The following KREMEN1 variants were observed in gnomAD, a reference collection of about 807,000 sequenced individuals.
The protein encoded by KREMEN1 is kremen protein 1.
In KREMEN1, 30 loss-of-function variants were observed where a neutral mutation model predicts 46.5. The observed-to-expected ratio is 0.65, with a 90% CI of 0.48 to 0.88. The LOEUF is 0.88. Among genes scored for constraint, KREMEN1 ranks in the 40% least tolerant of loss-of-function variants. The probability of loss-of-function intolerance (pLI) is 0.00; values close to 1 mark genes in which losing one functional copy is unlikely to be tolerated. For missense variants in KREMEN1, 533 were observed against 596.9 expected (o/e 0.89, Z 1.11); for synonymous variants, 214 against 230.6 (o/e 0.93, Z 0.65).
intron 3 of KREMEN1, among the ~76,000 whole-genome samples, chr22:29,106,366 G>C (rs1268375213): frequency 6.6e-6 from 1 of 151,176 alleles, no homozygotes; most frequent in African/African-American, 2.4e-5. Context: ...GACTCCAGGC[G>C]CCCGCCATCA....
intron 1 of KREMEN1, among the ~76,000 whole-genome samples, chr22:29,092,494 G>A (rs1386718860): frequency 6.6e-6 from 1 of 152,218 alleles, no homozygotes; most frequent in East Asian, 1.9e-4. Context: ...GTCAGCAGCA[G>A]GTCCAGGACA....
intron 3 of KREMEN1, among the ~76,000 whole-genome samples, chr22:29,101,225 C>A (rs2037970181): frequency 8.3e-6 from 1 of 120,122 alleles, no homozygotes; most frequent in African/African-American, 3.4e-5. Flanking sequence ...GCACTCCAAT[C>A]TGGGAAACAC....
chr22:29,096,687 A>G (rs2037887894), intron 2 of KREMEN1, among the ~76,000 whole-genome samples: 1 of 152,240 alleles, frequency 6.6e-6, no homozygotes, highest in African/African-American at 2.4e-5. Context: ...AGCAAAGTCA[A>G]GGATGAATTT....
Position 29,166,094 on chromosome 22 carries a change from T to C in KREMEN1, c.1417-950T>C, listed in dbSNP as rs1046403237. Among the ~76,000 whole-genome samples, 5 of 152,122 alleles carry C rather than the reference T, an allele frequency of 3.3e-5. 1 individual carries two copies. The highest frequency in any genetic ancestry group is 1.9e-4 in the East Asian group (1 of 5,168). On this transcript the variant is annotated intron_variant, in intron 9 of 9. Coordinates refer to the KREMEN1 transcript ENST00000327813. ...ATGTGTGCACACATGCACACACAGG[T>C]ACAAGCACACAAGTACCCATGCACA...
At position 29,137,317 on chromosome 22, in the gene KREMEN1, C is replaced by T. The variant is rs368943351; in HGVS notation, c.632-25C>T. The T allele has an allele frequency of 3.9e-4, 553 of 1,435,440 alleles. 2 individuals are homozygous for T. The Middle Eastern group carries it at 4.5e-3, about 12-fold the overall frequency. The allele number at this position is 1,435,440 out of a possible 1,614,324, so 88.9% of individuals were successfully genotyped here. A position where few individuals can be genotyped will look rare whatever the true frequency, so the allele number is the denominator to read the frequency against. On this transcript the variant is annotated intron_variant, in intron 5 of 8. Coordinates refer to ENST00000400335, the MANE Select transcript of KREMEN1 (RefSeq NM_001039570.3). The stretch of plus-strand genomic sequence containing the variant: ...CTGTGGCAAAGGCCCAGACTGAGGG[C>T]GTGGTGTCTTTTTCTCTCCTACAGC...
intron 4 of KREMEN1, 35 bp downstream of exon 4, chr22:29,121,516 T>C (rs2038356881): frequency 6.2e-7 from 1 of 1,605,070 alleles, no homozygotes; most frequent in African/African-American, 1.3e-5. Context: ...TATAGAAAAA[T>C]ATAAAGATGT....
At position 29,145,115 on chromosome 22, in the gene KREMEN1, A is replaced by G; in HGVS notation, c.*3003A>G. 1.0e-6 allele frequency: 1 copy of G among 986,018 alleles called. No homozygotes were observed. The highest frequency in any genetic ancestry group is 1.2e-6 in the Non-Finnish European group (1 of 830,146). The allele number at this position is 986,018 out of a possible 1,614,324, so 61.1% of individuals were successfully genotyped here. ...CTCAGTTAGAACCAGGTAGAAAGTC[A>G]GCGACACCCCACAGAAGGCCACTGC... On this transcript the variant is annotated 3_prime_UTR_variant, in exon 9 of 9. Coordinates refer to ENST00000400335, the MANE Select transcript of KREMEN1 (RefSeq NM_001039570.3).
chr22:29,084,689 T>G (rs1296876715), intron 1 of KREMEN1, among the ~76,000 whole-genome samples: 2 of 152,322 alleles, frequency 1.3e-5, no homozygotes, highest in East Asian at 3.9e-4. Context: ...CTCCGAAGCG[T>G]TTTCATGGTT....
chr22:29,137,801 G>A (rs1381171123), intron 6 of KREMEN1, 127 bp downstream of exon 6: 1 of 645,576 alleles, frequency 1.5e-6, no homozygotes, highest in Non-Finnish European at 2.5e-6. Context: ...GACTCAACTT[G>A]CAGATCACCC....
chr22:29,102,714 G>A (rs879691129), intron 3 of KREMEN1, among the ~76,000 whole-genome samples: 19 of 152,122 alleles, frequency 1.2e-4, no homozygotes, highest in African/African-American at 3.6e-4. Flanking sequence ...AATATTTACC[G>A]GATATGCTTT....
chr22:29,148,264 C>G (rs1244654018), downstream of KREMEN1, among the ~76,000 whole-genome samples: 1 of 152,048 alleles, frequency 6.6e-6, no homozygotes, highest in African/African-American at 2.4e-5. Context: ...CTGCACAACC[C>G]AAGGAAACAT....
chr22:29,096,138 C>T (rs1353168141), intron 2 of KREMEN1, among the ~76,000 whole-genome samples: 9 of 152,156 alleles, frequency 5.9e-5, no homozygotes. Context: ...ATTAGTCCCA[C>T]CCCATTTTTT....
At position 29,084,820 on chromosome 22, in the gene KREMEN1, T is replaced by C. The variant is rs180816790; in HGVS notation, c.98-9438T>C. On this transcript the variant is annotated intron_variant, in intron 1 of 8. Coordinates refer to ENST00000400335, the MANE Select transcript of KREMEN1 (RefSeq NM_001039570.3). ...GAGATAGATAAACTGGAGATTCAAATAGAAGACCTCATGTCCCCTTCCAAA... is the reference window on the plus strand; with the variant it reads ...GAGATAGATAAACTGGAGATTCAAACAGAAGACCTCATGTCCCCTTCCAAA... 2.0e-5 allele frequency among the ~76,000 whole-genome samples: 3 copies of C among 152,290 alleles called. No homozygotes were observed. The East Asian group carries it at 5.8e-4, about 29-fold the overall frequency.
chr22:29,131,836 G>A (rs1039842147), intron 5 of KREMEN1, among the ~76,000 whole-genome samples: 1 of 123,256 alleles, frequency 8.1e-6, no homozygotes, highest in African/African-American at 3.1e-5. Flanking sequence ...TTAGCCATTT[G>A]TCTCTGGCTT....
At chr22:29,138,002 T>C (rs2038698140) in intron 6 of KREMEN1, among the ~76,000 whole-genome samples, 1 of 152,220 alleles carries the variant, frequency 6.6e-6, no homozygotes, top group Non-Finnish European at 1.5e-5. Context: ...TGGAAGGTTA[T>C]CAAAAGGTCA....
chr22:29,131,742 ATATATG>A (rs2038559113), intron 5 of KREMEN1, among the ~76,000 whole-genome samples: 1 of 135,520 alleles, frequency 7.4e-6, no homozygotes, highest in African/African-American at 3.0e-5. Flanking sequence ...ATATGTGTAT[ATATATG>A]TATATATGTA....
At chr22:29,162,305 C>T (rs778421088) in intron 9 of KREMEN1, among the ~76,000 whole-genome samples, 7 of 152,084 alleles carry the variant, frequency 4.6e-5, no homozygotes, top group African/African-American at 9.7e-5. Context: ...GATAAAAACC[C>T]TCAAGAAACT....
chr22:29,134,475 G>A (rs961801192), intron 5 of KREMEN1, among the ~76,000 whole-genome samples: 2 of 152,144 alleles, frequency 1.3e-5, no homozygotes, highest in Non-Finnish European at 2.9e-5. Flanking sequence ...ATTATTTACC[G>A]TATTCATCAT....
intron 9 of KREMEN1, among the ~76,000 whole-genome samples, chr22:29,164,346 A>G (rs930826306): frequency 6.6e-6 from 1 of 152,228 alleles, no homozygotes; most frequent in Non-Finnish European, 1.5e-5. Flanking sequence ...CAATCTGGTT[A>G]CAAAGCATGA....
Sources: gnomAD v4.1 joint callset for allele counts (sites outside exome capture counted in the v4.1 genomes callset) on GRCh38, gnomAD v4.1.1 for gene constraint, MANE v1.5 for transcripts, NCBI Gene and HGNC (gene_info 2026-07-23, HGNC 2026-07-21) for gene names.